The following SCN9A variants were observed in gnomAD, a reference collection of about 807,000 sequenced individuals.
SCN9A encodes sodium voltage-gated channel alpha subunit 9.
A neutral mutation model predicts 187.0 loss-of-function variants in SCN9A; 131 were observed. The observed-to-expected ratio is 0.70, with a 90% CI of 0.61 to 0.81. SCN9A has a LOEUF of 0.81. Among genes scored for constraint, SCN9A ranks in the 30% least tolerant of loss-of-function variants. SCN9A has a pLI of 0.00. For missense variants in SCN9A, 2,252 were observed against 2,396.6 expected, an observed-to-expected ratio of 0.94 and a Z score of 1.26; for synonymous variants, 809 against 808.6, an observed-to-expected ratio of 1.00 and a Z score of -0.01.
chr2:166,280,876 T>C (rs73969651), intron 13 of SCN9A, among the ~76,000 whole-genome samples: 6,299 of 152,230 alleles, frequency 0.041, 392 homozygotes, highest in African/African-American at 0.13. Context: ...CATGTGATGG[T>C]AAACAGGAGA....
intron 24 of SCN9A, among the ~76,000 whole-genome samples, chr2:166,216,708 C>G (rs1694345661): frequency 6.6e-6 from 1 of 151,758 alleles, no homozygotes. Context: ...ACACTGAAAA[C>G]TATAAGTTGA....
At chr2:166,323,844 C>A (rs1699301173) in intron 1 of SCN9A, among the ~76,000 whole-genome samples, 1 of 151,290 alleles carries the variant, frequency 6.6e-6, no homozygotes, top group African/African-American at 2.4e-5. Flanking sequence ...AAAATATCTC[C>A]CAGATAATTC....
At chr2:166,368,332 C>T (rs1451679663) in intron 1 of SCN9A, among the ~76,000 whole-genome samples, 2 of 152,076 alleles carry the variant, frequency 1.3e-5, no homozygotes, top group Non-Finnish European at 2.9e-5. Context: ...TGTATTTTTC[C>T]TTGTAACAGC....
At chr2:166,240,560 A>G (rs1041493346) in intron 19 of SCN9A, among the ~76,000 whole-genome samples, 1 of 152,204 alleles carries the variant, frequency 6.6e-6, no homozygotes, top group Non-Finnish European at 1.5e-5. Flanking sequence ...TCTCAGTCAC[A>G]TATGTGAGTC....
chr2:166,215,321 T>C (rs1223868404), intron 24 of SCN9A, among the ~76,000 whole-genome samples: 2 of 151,926 alleles, frequency 1.3e-5, no homozygotes, highest in African/African-American at 2.4e-5. Flanking sequence ...AAATTTATAG[T>C]AATAAATGCC....
intron 21 of SCN9A, 106 bp downstream of exon 21, chr2:166,233,234 G>A: frequency 1.4e-6 from 1 of 737,598 alleles, no homozygotes. Flanking sequence ...AACAGCCTAT[G>A]TATTTATGTA....
intron 17 of SCN9A, among the ~76,000 whole-genome samples, chr2:166,266,524 A>C (rs935208250): frequency 6.8e-6 from 1 of 147,582 alleles, no homozygotes; most frequent in African/African-American, 2.5e-5. Context: ...TTTTTGTTCC[A>C]GGTTACTTGG....
intron 9 of SCN9A, among the ~76,000 whole-genome samples, chr2:166,291,099 A>G (rs1360572336): frequency 3.3e-5 from 5 of 152,156 alleles, no homozygotes; most frequent in Non-Finnish European, 7.3e-5. Flanking sequence ...GACAAGAGAA[A>G]GAAATAAAGG....
chr2:166,333,112 A>C (rs1178634641), intron 1 of SCN9A, among the ~76,000 whole-genome samples: 1 of 151,982 alleles, frequency 6.6e-6, no homozygotes, highest in East Asian at 1.9e-4. Context: ...AGTGGTCCTC[A>C]ACAGGATAAT....
intron 24 of SCN9A, among the ~76,000 whole-genome samples, chr2:166,208,666 T>C (rs1342740880): frequency 3.3e-5 from 5 of 152,166 alleles, no homozygotes; most frequent in Non-Finnish European, 7.3e-5. Context: ...AAAAAGTACT[T>C]ATGAGGATGA....
intron 26 of SCN9A, among the ~76,000 whole-genome samples, chr2:166,202,609 A>G (rs1177948305): frequency 1.3e-5 from 2 of 151,820 alleles, no homozygotes; most frequent in Non-Finnish European, 3.0e-5. Flanking sequence ...CTTAATTACA[A>G]TGAGAGAAGC....
At position 166,303,505 on chromosome 2, in the gene SCN9A, T is replaced by C. The variant is rs142585699; in HGVS notation, c.689-203A>G. Among the ~76,000 whole-genome samples the C allele has an allele frequency of 2.5e-3, 380 of 152,238 alleles. 3 individuals are homozygous for C. The highest frequency in any genetic ancestry group is 8.4e-3 in the African/African-American group (348 of 41,556). ...CAAATGGTTAAAAATAGGAACATAT[T>C]CTCAAAGAATACCTAGGTTGTCAAA... is the stretch of plus-strand genomic sequence containing the variant. On this transcript the variant is annotated intron_variant, in intron 6 of 26. Coordinates refer to ENST00000642356, the MANE Select transcript of SCN9A (RefSeq NM_001365536.1).
intron 24 of SCN9A, among the ~76,000 whole-genome samples, chr2:166,209,387 T>G (rs1485664457): frequency 6.6e-6 from 1 of 152,022 alleles, no homozygotes; most frequent in Non-Finnish European, 1.5e-5. Context: ...CTAATGAAGT[T>G]TAGCAAAGTA....
intron 1 of SCN9A, among the ~76,000 whole-genome samples, chr2:166,365,469 G>A (rs1700393217): frequency 1.3e-5 from 2 of 152,122 alleles, no homozygotes; most frequent in South Asian, 2.1e-4. Context: ...GGTAATTTTA[G>A]CATTGGTTTA....
At chr2:166,208,854 G>A (rs940676066) in intron 24 of SCN9A, among the ~76,000 whole-genome samples, 1 of 152,160 alleles carries the variant, frequency 6.6e-6, no homozygotes, top group African/African-American at 2.4e-5. Context: ...TAACTGTGCT[G>A]GTATCCTGTT....
Position 166,199,439 on chromosome 2 carries a change from A to T in SCN9A, c.5200T>A (p.Ser1734Thr). Residue 1734 changes from serine to threonine, a missense_variant, in exon 27 of 27, where the codon TCT (serine) becomes ACT (threonine). Ser to Thr is a moderately conservative substitution (Grantham distance 58, BLOSUM62 1). Around this residue, in one of 7 missense-constraint regions of SCN9A, gnomAD observed 345 missense variants for 344.6 expected, o/e 1.00. Coordinates refer to ENST00000642356, the MANE Select transcript of SCN9A (RefSeq NM_001365536.1). ...CTAACAAAGTAGAATATTCCAACAG[A>T]TGGGTTACCACAGTCTCCTTCAACT... ...SSVEGDCGNP[S>T]VGIFYFVSYI... is the part of the protein sequence containing the mutation. The T allele has an allele frequency of 1.9e-6, 3 of 1,614,192 alleles. No homozygotes were observed. The highest frequency in any genetic ancestry group is 2.5e-6 in the Non-Finnish European group (3 of 1,180,040).
chr2:166,245,014 GT>G (rs1212045182), intron 18 of SCN9A, among the ~76,000 whole-genome samples: 17 of 151,964 alleles, frequency 1.1e-4, no homozygotes, highest in Admixed American at 7.9e-4. Flanking sequence ...TTGAAATTCT[GT>G]TTTTTGATTT....
rs1697327510 is a variant in SCN9A at position 166,278,294 on chromosome 2, G to A, written c.2363C>T (p.Ala788Val). 6.2e-7 allele frequency: 1 copy of A among 1,603,430 alleles called. No individual in the cohort carries two copies. Among genetic ancestry groups the A allele is most frequent in the Non-Finnish European group, 8.5e-7 (1 of 1,176,058 alleles). ...IGNLVFTGIF[A>V]AEMVLKLIAM... ...AATCAGTTTTAATACCATTTCAGCT[G>A]CAAAGATTCCAGTAAAGACCTAAGT... is the stretch of plus-strand genomic sequence containing the variant. The change falls in exon 15 of 27, where the codon GCA becomes GTA. Residue 788 changes from alanine (A) to valine (V), a missense_variant. Transcript: ENST00000642356.
chr2:166,293,936 T>A (rs549498717), intron 8 of SCN9A, among the ~76,000 whole-genome samples: 2 of 152,112 alleles, frequency 1.3e-5, no homozygotes, highest in Non-Finnish European at 2.9e-5. Flanking sequence ...ATAAATACAA[T>A]ATTCTGAGAT....
Sources: gnomAD v4.1 joint callset for allele counts (sites outside exome capture counted in the v4.1 genomes callset) on GRCh38, gnomAD v4.1.1 for gene constraint, gnomAD v4.1.1 regional missense constraint, MANE v1.5 for transcripts, NCBI Gene and HGNC (gene_info 2026-07-23, HGNC 2026-07-21) for gene names.